Variants in ADGRF5 observed in about 807,000 individuals in gnomAD.
ADGRF5 encodes the protein adhesion G protein-coupled receptor F5.
In ADGRF5, 75 loss-of-function variants were observed where a neutral mutation model predicts 132.3. The observed-to-expected ratio is 0.57, with a 90% CI of 0.47 to 0.69. ADGRF5 has a LOEUF of 0.69. ADGRF5 is among the 30% of genes least tolerant of loss of function. ADGRF5 has a pLI of 0.00. For synonymous variants in ADGRF5, 629 were observed against 597.6 expected (o/e 1.05, Z -0.77); for missense variants, 1,516 against 1,630.6 (o/e 0.93, Z 1.21).
upstream of ADGRF5, among the ~76,000 whole-genome samples, chr6:46,925,753 G>T (rs1010559310): frequency 6.6e-6 from 1 of 152,144 alleles, no homozygotes; most frequent in Non-Finnish European, 1.5e-5. Flanking sequence ...GCAAAACTCT[G>T]TTGCCTGCTT....
At chr6:46,880,450 T>C (rs1422608215) in intron 8 of ADGRF5, among the ~76,000 whole-genome samples, 2 of 152,202 alleles carry the variant, frequency 1.3e-5, no homozygotes, top group Admixed American at 1.3e-4. Flanking sequence ...CTCAAGCTTA[T>C]TGAAAGCTCT....
At chr6:46,905,611 A>G (rs1360390591) in intron 2 of ADGRF5, among the ~76,000 whole-genome samples, 2 of 152,202 alleles carry the variant, frequency 1.3e-5, no homozygotes, top group Non-Finnish European at 2.9e-5. Flanking sequence ...AAGGACAAAA[A>G]TCGGGCAAAC....
chr6:46,923,915 T>C (rs1395743175), upstream of ADGRF5, among the ~76,000 whole-genome samples: 2 of 152,168 alleles, frequency 1.3e-5, no homozygotes, highest in Non-Finnish European at 2.9e-5. Flanking sequence ...TCTAAAACGT[T>C]GGTGTTGGTG....
chr6:46,938,252 T>A (rs781764278), intron 1 of ADGRF5, among the ~76,000 whole-genome samples: 2 of 152,198 alleles, frequency 1.3e-5, no homozygotes, highest in Non-Finnish European at 2.9e-5. Context: ...TCCCTTTCCC[T>A]TCCTTTCTGC....
At position 46,882,125 on chromosome 6, in the gene ADGRF5, A is replaced by G. The variant is rs565463543; in HGVS notation, c.613-18T>C. Reference sequence around the variant, plus strand: ...TTCCGGAACTGAAAAATAAAGCAAGATGAATGTCATATATCAAAGTCGAGA... The same window carrying G: ...TTCCGGAACTGAAAAATAAAGCAAGGTGAATGTCATATATCAAAGTCGAGA... On this transcript the variant is annotated intron_variant, in intron 6 of 20. Transcript: ENST00000283296. 4 of 1,575,318 alleles carry G rather than the reference A, an allele frequency of 2.5e-6. No individual in the cohort carries two copies. Among genetic ancestry groups the G allele is most frequent in the Admixed American group, 1.7e-5 (1 of 59,984 alleles).
chr6:46,931,377 A>G (rs1227249842), intron 1 of ADGRF5, among the ~76,000 whole-genome samples: 1 of 152,160 alleles, frequency 6.6e-6, no homozygotes, highest in African/African-American at 2.4e-5. Flanking sequence ...AAGTCAGTCA[A>G]ATCAATCTTC....
intron 3 of ADGRF5, among the ~76,000 whole-genome samples, chr6:46,891,579 C>A (rs770709655): frequency 6.6e-5 from 10 of 152,182 alleles, no homozygotes; most frequent in Non-Finnish European, 1.2e-4. Context: ...ATATCATATC[C>A]ACTTCATTAC....
intron 1 of ADGRF5, among the ~76,000 whole-genome samples, chr6:46,919,302 A>G (rs1203242549): frequency 6.6e-6 from 1 of 152,214 alleles, no homozygotes. Context: ...AAAAAAATTC[A>G]TTGTGCCATT....
intron 1 of ADGRF5, among the ~76,000 whole-genome samples, chr6:46,953,685 A>ATATATATCTATATC: frequency 7.9e-6 from 1 of 126,952 alleles, no homozygotes; most frequent in Non-Finnish European, 1.7e-5. Flanking sequence ...ATATATATAT[A>ATATATATCTATATC]TATATCTCAC....
chr6:46,872,049 G>T (rs548690032), intron 10 of ADGRF5, 36 bp from the exon 11 acceptor site: 3 of 1,499,204 alleles, frequency 2.0e-6, no homozygotes, highest in Admixed American at 1.9e-5. Flanking sequence ...ATCCCAGCTG[G>T]CTAACTCTTT....
intron 15 of ADGRF5, 132 bp downstream of exon 15, chr6:46,862,756 G>T: frequency 4.3e-6 from 1 of 232,974 alleles, no homozygotes; most frequent in Non-Finnish European, 8.1e-6. Flanking sequence ...ATCTCCTTTG[G>T]AAATACACAA....
chr6:46,862,868 G>C lies in ADGRF5; in HGVS notation c.2199+20C>G. 1 of 1,541,586 alleles carries C rather than the reference G, an allele frequency of 6.5e-7. No homozygotes were observed. The highest frequency in any genetic ancestry group is 1.1e-5 in the South Asian group (1 of 89,534). ...TAGATCGCCCCACCAAGAGCTCAGA[G>C]TGGAAGCTTTAAGGATCACCTTAGC... is the stretch of plus-strand genomic sequence containing the variant. On this transcript the variant is annotated intron_variant, in intron 15 of 20. Coordinates refer to ENST00000283296, the MANE Select transcript of ADGRF5 (RefSeq NM_001098518.2).
At position 46,868,913 on chromosome 6, in the gene ADGRF5, T is replaced by A; in HGVS notation, c.1591A>T (p.Thr531Ser). The A allele has an allele frequency of 6.2e-7, 1 of 1,612,952 alleles. No homozygotes were observed. Among genetic ancestry groups the A allele is most frequent in the Non-Finnish European group, 8.5e-7 (1 of 1,178,974 alleles). Reference sequence around the variant, plus strand: ...CACTCCCTGGTCGAGGTCTTGACTGTCAGTACTGATTCTGCTCCATCAAGA... The same window carrying A: ...CACTCCCTGGTCGAGGTCTTGACTGACAGTACTGATTCTGCTCCATCAAGA... ...RYLDGAESVL[T>S]VKTSTREWNG... is the part of the protein sequence containing the mutation. The change falls in exon 12 of 21, where the codon ACA becomes TCA. Residue 531 changes from threonine (T) to serine (S), a missense_variant. Around this residue, in one of 2 missense-constraint regions of ADGRF5, gnomAD observed 945 missense variants for 929.4 expected, o/e 1.02. Transcript: ENST00000283296.
At chr6:46,866,474 A>G (rs543815218) in intron 13 of ADGRF5, among the ~76,000 whole-genome samples, 10 of 152,262 alleles carry the variant, frequency 6.6e-5, no homozygotes, top group Admixed American at 6.5e-4. Context: ...CCCATAGGAA[A>G]GCTCCAGCAT....
chr6:46,878,460 AGG>A, intron 9 of ADGRF5, 55 bp from the exon 10 acceptor site: 1 of 1,061,478 alleles, frequency 9.4e-7, no homozygotes, highest in Non-Finnish European at 1.4e-6. Context: ...ATTTTCTTAG[AGG>A]AATGTACCGT....
Position 46,883,804 on chromosome 6 carries a change from C to T in ADGRF5, c.506-139G>A, listed in dbSNP as rs1432747320. ...TCTCCCAGGCTGGAGTGCAACGGCA[C>T]GATCTCAGCTCACTGCAACCTCTGC... On this transcript the variant is annotated intron_variant, in intron 5 of 20. Coordinates refer to ENST00000283296, the MANE Select transcript of ADGRF5 (RefSeq NM_001098518.2). The T allele has an allele frequency of 2.3e-5, 14 of 607,074 alleles. 1 individual carries two copies. Among genetic ancestry groups the T allele is most frequent in the South Asian group, 1.3e-4 (6 of 46,570 alleles). The allele number at this position is 607,074 out of a possible 1,614,324, so 37.6% of individuals were successfully genotyped here.
intron 10 of ADGRF5, among the ~76,000 whole-genome samples, chr6:46,876,410 A>G (rs1771663094): frequency 6.6e-6 from 1 of 152,222 alleles, no homozygotes; most frequent in Non-Finnish European, 1.5e-5. Context: ...TCCATCTGGC[A>G]GTTCCTTCAG....
At chr6:46,862,173 A>G (rs190456378) in intron 15 of ADGRF5, among the ~76,000 whole-genome samples, 17 of 152,254 alleles carry the variant, frequency 1.1e-4, no homozygotes, top group Admixed American at 7.2e-4. Context: ...TCAATTATTT[A>G]CCCAGTGGTG....
intron 1 of ADGRF5, among the ~76,000 whole-genome samples, chr6:46,947,898 C>A (rs1018661212): frequency 6.6e-6 from 1 of 152,162 alleles, no homozygotes; most frequent in South Asian, 2.1e-4. Context: ...GGTGTTTGTA[C>A]GTGCAGGTCC....
Sources: allele counts gnomAD v4.1 joint callset (sites outside exome capture counted in the v4.1 genomes callset), GRCh38; gene constraint gnomAD v4.1.1; regional missense constraint gnomAD v4.1.1; transcripts MANE v1.5; gene names NCBI Gene and HGNC (gene_info 2026-07-23, HGNC 2026-07-21).